The following REV3L variants were observed in gnomAD, a reference collection of about 807,000 sequenced individuals.
REV3L encodes the protein REV3 like, DNA directed polymerase zeta catalytic subunit.
In REV3L, 69 loss-of-function variants were observed where a neutral mutation model predicts 299.4. The observed-to-expected ratio is 0.23, with a 90% confidence interval of 0.19 to 0.28. REV3L has a LOEUF of 0.28. Among genes scored for constraint, REV3L ranks in the 10% least tolerant of loss-of-function variants. REV3L has a pLI of 1.00. For synonymous variants in REV3L, 1,238 were observed against 1,271.4 expected, an observed-to-expected ratio of 0.97 and a Z score of 0.56; for missense variants, 3,128 against 3,693.8, an observed-to-expected ratio of 0.85 and a Z score of 3.97.
intron 20 of REV3L, among the ~76,000 whole-genome samples, chr6:111,348,355 C>T (rs999193042): frequency 1.3e-5 from 2 of 152,086 alleles, no homozygotes; most frequent in African/African-American, 2.4e-5. Flanking sequence ...AATTCTTTTT[C>T]TAAGTGAATG....
intron 4 of REV3L, among the ~76,000 whole-genome samples, chr6:111,396,078 G>A (rs1280816648): frequency 2.0e-5 from 3 of 152,144 alleles, no homozygotes; most frequent in Non-Finnish European, 4.4e-5. Context: ...CCAGGCTTGA[G>A]TACAGTGGCA....
At chr6:111,315,460 A>G (rs1042158552) in intron 26 of REV3L, 79 bp from the exon 27 acceptor site, 21 of 1,062,576 alleles carry the variant, frequency 2.0e-5, no homozygotes, top group African/African-American at 3.2e-5. Flanking sequence ...TTTCCTGGCT[A>G]TGACTCTTGT....
At chr6:111,467,281 G>A (rs1791624778) in intron 1 of REV3L, among the ~76,000 whole-genome samples, 1 of 152,218 alleles carries the variant, frequency 6.6e-6, no homozygotes, top group Non-Finnish European at 1.5e-5. Flanking sequence ...TGGCATAGGA[G>A]GTCACAGATG....
At chr6:111,479,458 G>A (rs1297722063) in intron 1 of REV3L, among the ~76,000 whole-genome samples, 2 of 151,204 alleles carry the variant, frequency 1.3e-5, no homozygotes, top group Non-Finnish European at 2.9e-5. Context: ...CAGTTGGCAA[G>A]GGATTAAATC....
At chr6:111,310,195 G>T in intron 29 of REV3L, 96 bp from the exon 30 acceptor site, 1 of 1,366,080 alleles carries the variant, frequency 7.3e-7, no homozygotes, top group Non-Finnish European at 9.7e-7. Flanking sequence ...ATAAAACAAT[G>T]AAAAAACTAC....
chr6:111,476,887 G>A (rs927657991), intron 1 of REV3L, among the ~76,000 whole-genome samples: 1 of 152,030 alleles, frequency 6.6e-6, no homozygotes, highest in Non-Finnish European at 1.5e-5. Flanking sequence ...CTACATTTCT[G>A]GAACCATATC....
intron 18 of REV3L, among the ~76,000 whole-genome samples, chr6:111,355,713 G>C (rs1300025535): frequency 2.0e-5 from 3 of 152,074 alleles, no homozygotes; most frequent in African/African-American, 7.2e-5. Flanking sequence ...GACATTACTG[G>C]ACATGTGCTG....
intron 27 of REV3L, among the ~76,000 whole-genome samples, chr6:111,313,774 C>T (rs573380920): frequency 7.6e-4 from 116 of 152,156 alleles, no homozygotes; most frequent in Non-Finnish European, 1.3e-3. Flanking sequence ...ACAGTCTGGT[C>T]TCAACTTTAT....
intron 21 of REV3L, among the ~76,000 whole-genome samples, chr6:111,341,860 G>A (rs887294029): frequency 2.6e-5 from 4 of 152,106 alleles, no homozygotes; most frequent in Non-Finnish European, 5.9e-5. Flanking sequence ...AGAGCAGCTC[G>A]CTGGGGGTTG....
At chr6:111,472,187 G>A (rs1354809671) in intron 1 of REV3L, 22 of 1,180,254 alleles carry the variant, frequency 1.9e-5, no homozygotes, top group Non-Finnish European at 2.3e-5. Flanking sequence ...GAGAAACTGC[G>A]AGTATGCCAA....
chr6:111,347,827 G>A (rs549349177), intron 20 of REV3L, among the ~76,000 whole-genome samples: 1 of 151,934 alleles, frequency 6.6e-6, no homozygotes, highest in Non-Finnish European at 1.5e-5. Flanking sequence ...GGCCTCAAAA[G>A]GTCTTCCCGC....
At chr6:111,450,604 C>G (rs1789418215) in intron 1 of REV3L, among the ~76,000 whole-genome samples, 1 of 146,668 alleles carries the variant, frequency 6.8e-6, no homozygotes, top group Non-Finnish European at 1.5e-5. Flanking sequence ...ATACAATTAC[C>G]AAAAAAACAA....
At position 111,373,821 on chromosome 6, in the gene REV3L, G is replaced by C; in HGVS notation, c.4534C>G (p.Arg1512Gly). 1.9e-6 allele frequency: 3 copies of C among 1,614,030 alleles called. No homozygotes were observed. Among genetic ancestry groups the C allele is most frequent in the Non-Finnish European group, 1.7e-6 (2 of 1,179,980 alleles). Residue 1512 changes from arginine to glycine, a missense_variant, in exon 13 of 32, where the codon CGA becomes GGA. Transcript: ENST00000368802. ...AATGCTGAAGGTGTTGACACATTTC[G>C]ATTTTTACACTGAGAAAGTGCTTTG... ...QTKALSQCKN[R>G]NVSTPSAFGE...
chr6:111,423,128 A>ATAG (rs1412261242), intron 1 of REV3L, among the ~76,000 whole-genome samples: 2 of 151,914 alleles, frequency 1.3e-5, no homozygotes, highest in Non-Finnish European at 2.9e-5. Flanking sequence ...GTGCTAAACC[A>ATAG]TAGGCTGCTT....
chr6:111,439,862 G>A (rs561902597), intron 1 of REV3L, among the ~76,000 whole-genome samples: 1 of 152,120 alleles, frequency 6.6e-6, no homozygotes, highest in Non-Finnish European at 1.5e-5. Context: ...TCCTCTTCAA[G>A]ACAATGCCTG....
At chr6:111,341,453 G>A (rs530691665) in intron 21 of REV3L, among the ~76,000 whole-genome samples, 40 of 152,266 alleles carry the variant, frequency 2.6e-4, no homozygotes, top group Admixed American at 1.4e-3. Context: ...TGGAATATGC[G>A]ATGACATGCT....
At chr6:111,434,556 T>C (rs569434221) in intron 1 of REV3L, among the ~76,000 whole-genome samples, 4 of 151,496 alleles carry the variant, frequency 2.6e-5, no homozygotes, top group South Asian at 4.2e-4. Flanking sequence ...GAAGCGGAGC[T>C]TGCAGTGAGC....
intron 23 of REV3L, among the ~76,000 whole-genome samples, chr6:111,332,124 T>A (rs926605351): frequency 6.6e-6 from 1 of 152,154 alleles, no homozygotes; most frequent in East Asian, 1.9e-4. Flanking sequence ...CAGGCTGGAG[T>A]GCAGTGGCGC....
In REV3L at chr6:111,472,336, C is replaced by A. The variant is rs370326451; in HGVS notation, c.139+10414G>T. ...AATATATATGCAAAATAATATATTT[C>A]TTTTAATTCTTGTTATACTTCTTTG... On this transcript the variant is annotated intron_variant, in intron 1 of 31. Transcript: ENST00000368802. Among the ~76,000 whole-genome samples, 29 of 152,028 alleles carry A rather than the reference C, an allele frequency of 1.9e-4. No individual in the cohort carries two copies. The South Asian group carries it at 5.8e-3, about 30-fold the overall frequency.
Sources: gnomAD v4.1 joint callset for allele counts (sites outside exome capture counted in the v4.1 genomes callset) on GRCh38, gnomAD v4.1.1 for gene constraint, MANE v1.5 for transcripts, NCBI Gene and HGNC (gene_info 2026-07-23, HGNC 2026-07-21) for gene names.